SPMIP2: variants seen among roughly 807,000 people sequenced by gnomAD.
SPMIP2 encodes protein SPMIP2.
the SPMIP2 span, chr4:158,915,133 T>G: frequency 6.4e-7 from 1 of 1,563,076 alleles, no homozygotes; most frequent in Non-Finnish European, 8.7e-7. Flanking sequence ...GCAGCCTGAC[T>G]TTTTCTATGA....
the SPMIP2 span, among the ~76,000 whole-genome samples, chr4:159,006,331 T>C: frequency 4.6e-5 from 7 of 152,146 alleles, no homozygotes; most frequent in African/African-American, 1.7e-4. Flanking sequence ...AAGTCCAAAG[T>C]GAAACCATCT....
the SPMIP2 span, among the ~76,000 whole-genome samples, chr4:158,993,739 C>T: frequency 6.6e-6 from 1 of 152,200 alleles, no homozygotes; most frequent in Admixed American, 6.5e-5. Flanking sequence ...TCTGGATTAT[C>T]ACCACAGCCT....
At chr4:158,938,632 G>A in the SPMIP2 span, among the ~76,000 whole-genome samples, 1 of 152,172 alleles carries the variant, frequency 6.6e-6, no homozygotes, top group Non-Finnish European at 1.5e-5. Flanking sequence ...ACGTCACCAG[G>A]ACATTGCTGG....
the SPMIP2 span, among the ~76,000 whole-genome samples, chr4:159,033,261 A>G: frequency 6.6e-6 from 1 of 151,774 alleles, no homozygotes; most frequent in Admixed American, 6.6e-5. Context: ...CTGTGGAGAC[A>G]GTGAAAAGAT....
At chr4:159,050,413 G>A in the SPMIP2 span, among the ~76,000 whole-genome samples, 1 of 151,482 alleles carries the variant, frequency 6.6e-6, no homozygotes, top group African/African-American at 2.4e-5. Context: ...GGGAAGAAAG[G>A]GGGATGGGTT....
At chr4:158,978,820 T>A in the SPMIP2 span, among the ~76,000 whole-genome samples, 1 of 152,296 alleles carries the variant, frequency 6.6e-6, no homozygotes, top group East Asian at 1.9e-4. Flanking sequence ...TCTTTGCACA[T>A]GAGATGGGCC....
At chr4:158,983,178 T>C in the SPMIP2 span, among the ~76,000 whole-genome samples, 2 of 152,076 alleles carry the variant, frequency 1.3e-5, no homozygotes, top group Admixed American at 1.3e-4. Context: ...ACCAAATCTA[T>C]GTCTGATTGG....
the SPMIP2 span, among the ~76,000 whole-genome samples, chr4:159,001,393 G>GC: frequency 1.3e-5 from 2 of 152,098 alleles, no homozygotes; most frequent in Non-Finnish European, 2.9e-5. Context: ...GGGTACATGT[G>GC]CAAGTTTGTT....
At chr4:158,979,577 A>G in the SPMIP2 span, among the ~76,000 whole-genome samples, 1 of 152,072 alleles carries the variant, frequency 6.6e-6, no homozygotes, top group African/African-American at 2.4e-5. Context: ...ACAGAGGGCA[A>G]TGGGTCAGGG....
chr4:158,972,939 A>G, the SPMIP2 span: 3 of 627,902 alleles, frequency 4.8e-6, no homozygotes, highest in Admixed American at 2.9e-5. Context: ...TTATTCACAC[A>G]TGTGTCTTTC....
chr4:159,071,908 G>C, the SPMIP2 span, among the ~76,000 whole-genome samples: 1 of 152,246 alleles, frequency 6.6e-6, no homozygotes. Context: ...GGGGTTAGTA[G>C]ACCTGCAAGG....
chr4:158,927,325 CT>C, the SPMIP2 span, among the ~76,000 whole-genome samples: 22 of 152,156 alleles, frequency 1.4e-4, no homozygotes, highest in African/African-American at 5.3e-4. Context: ...TTGATTACTA[CT>C]GTCTGAGGTA....
At chr4:159,063,122 G>A in the SPMIP2 span, among the ~76,000 whole-genome samples, 1 of 151,970 alleles carries the variant, frequency 6.6e-6, no homozygotes, top group Non-Finnish European at 1.5e-5. Flanking sequence ...AAGATGTTAG[G>A]GTGGCTTCAC....
At chr4:158,969,332 C>T in the SPMIP2 span, among the ~76,000 whole-genome samples, 2 of 152,088 alleles carry the variant, frequency 1.3e-5, no homozygotes, top group African/African-American at 2.4e-5. Flanking sequence ...GAAACTGTTT[C>T]AATTGTCTCC....
At chr4:158,917,291 G>A in the SPMIP2 span, among the ~76,000 whole-genome samples, 3 of 150,098 alleles carry the variant, frequency 2.0e-5, no homozygotes, top group Non-Finnish European at 4.4e-5. Flanking sequence ...GCTGGGTGTG[G>A]TGGTGCACGC....
At chr4:159,009,268 C>T in the SPMIP2 span, among the ~76,000 whole-genome samples, 23 of 152,220 alleles carry the variant, frequency 1.5e-4, no homozygotes, top group Admixed American at 2.6e-4. Context: ...TGACCGACAG[C>T]ATAAGCATCA....
At chr4:159,069,019 T>A in the SPMIP2 span, among the ~76,000 whole-genome samples, 1 of 152,154 alleles carries the variant, frequency 6.6e-6, no homozygotes, top group Non-Finnish European at 1.5e-5. Flanking sequence ...AAGAAACAAT[T>A]AGGCTGGGTG....
At chr4:159,021,922 T>C in the SPMIP2 span, among the ~76,000 whole-genome samples, 472 of 152,336 alleles carry the variant, frequency 3.1e-3, 4 homozygotes, top group African/African-American at 0.01. Context: ...TAAGTGACTA[T>C]AGAATCCTCC....
At chr4:159,037,823 C>T in the SPMIP2 span, among the ~76,000 whole-genome samples, 12 of 143,810 alleles carry the variant, frequency 8.3e-5, no homozygotes, top group African/African-American at 2.3e-4. Flanking sequence ...CACACACACA[C>T]ACACATATAT....
Sources: allele counts gnomAD v4.1 joint callset (sites outside exome capture counted in the v4.1 genomes callset), GRCh38; gene constraint gnomAD v4.1.1; transcripts MANE v1.5; gene names NCBI Gene and HGNC (gene_info 2026-07-23, HGNC 2026-07-21).